The following SLC17A5 variants were observed in gnomAD, a reference collection of about 807,000 sequenced individuals.
SLC17A5 encodes the protein solute carrier family 17 member 5.
Under a neutral mutation model 59.4 loss-of-function variants are expected in SLC17A5, and 47 were observed. The observed-to-expected ratio is 0.79, with a 90% CI of 0.63 to 1.01. The LOEUF (loss-of-function observed/expected upper bound fraction) is 1.01, where lower values mean the gene tolerates loss of function less well. Ranked by LOEUF, SLC17A5 falls within the 50% of genes least tolerant of loss-of-function variation. SLC17A5 has a pLI of 0.00. For synonymous variants in SLC17A5, 202 were observed against 210.7 expected (o/e 0.96, Z 0.36); for missense variants, 522 against 595.5 (o/e 0.88, Z 1.28).
chr6:73,598,613 G>A (rs428944), intron 10 of SLC17A5, among the ~76,000 whole-genome samples: 61,803 of 151,844 alleles, frequency 0.41, 12,990 homozygotes, highest in African/African-American at 0.49. Flanking sequence ...CCTGGGGGAC[G>A]AGTGAGACTT....
intron 10 of SLC17A5, among the ~76,000 whole-genome samples, chr6:73,599,751 T>C (rs1766972377): frequency 6.6e-6 from 1 of 152,184 alleles, no homozygotes; most frequent in African/African-American, 2.4e-5. Context: ...CGGATATATG[T>C]CTGAAATCAG....
chr6:73,600,321 T>A, intron 10 of SLC17A5, 30 bp downstream of exon 10: 1 of 1,528,198 alleles, frequency 6.5e-7, no homozygotes, highest in Non-Finnish European at 9.1e-7. Context: ...TCCAAAACCT[T>A]TCCAGTTTAC....
chr6:73,619,408 C>A (rs1375232330), intron 7 of SLC17A5, among the ~76,000 whole-genome samples: 3 of 152,118 alleles, frequency 2.0e-5, no homozygotes, highest in African/African-American at 7.2e-5. Flanking sequence ...CATCTGATGG[C>A]CAGGCAGGGT....
rs770302216 is a variant in SLC17A5 at position 73,644,397 on chromosome 6, T to A, written c.291+10A>T. On this transcript the variant is annotated intron_variant, in intron 2 of 10. Coordinates refer to ENST00000355773, the MANE Select transcript of SLC17A5 (RefSeq NM_012434.5). ...TAATTAAAATTGTTTCCTTAAAAAATAGCACCTACCGTTTGATTATGATGA... is the reference window on the plus strand; with the variant it reads ...TAATTAAAATTGTTTCCTTAAAAAAAAGCACCTACCGTTTGATTATGATGA... 1.1e-5 allele frequency: 17 copies of A among 1,606,652 alleles called. No individual in the cohort carries two copies. In the South Asian group the frequency reaches 1.9e-4, roughly 18 times the overall value.
At chr6:73,639,885 A>C (rs1208958393) in intron 3 of SLC17A5, among the ~76,000 whole-genome samples, 1 of 152,042 alleles carries the variant, frequency 6.6e-6, no homozygotes, top group Non-Finnish European at 1.5e-5. Flanking sequence ...GCCTCTACTA[A>C]ATATACAAAA....
intron 3 of SLC17A5, among the ~76,000 whole-genome samples, chr6:73,639,117 CT>C (rs1320547652): frequency 6.6e-6 from 1 of 150,986 alleles, no homozygotes; most frequent in South Asian, 2.1e-4. Flanking sequence ...AGCCTTTCTT[CT>C]TTTTTTTCCT....
At chr6:73,653,004 C>T (rs1338133698) in intron 1 of SLC17A5, 1 of 969,600 alleles carries the variant, frequency 1.0e-6, no homozygotes, top group Non-Finnish European at 1.2e-6. Context: ...AGGGAAGATG[C>T]TTTATGACGT....
At chr6:73,599,805 T>C (rs1581952663) in intron 10 of SLC17A5, among the ~76,000 whole-genome samples, 1 of 35,252 alleles carries the variant, frequency 2.8e-5, no homozygotes, top group African/African-American at 4.0e-4. Context: ...CCTGAAATTC[T>C]TTTTTTTTTT....
At chr6:73,617,424 G>C (rs1235289754) in intron 7 of SLC17A5, among the ~76,000 whole-genome samples, 1 of 152,188 alleles carries the variant, frequency 6.6e-6, no homozygotes, top group Non-Finnish European at 1.5e-5. Flanking sequence ...ATATTAGTAG[G>C]AAAGTAAAAA....
intron 8 of SLC17A5, among the ~76,000 whole-genome samples, chr6:73,612,273 C>T (rs1767668738): frequency 6.6e-6 from 1 of 151,976 alleles, no homozygotes; most frequent in Admixed American, 6.6e-5. Flanking sequence ...AGCAATTCTC[C>T]TGCCTCGGCC....
intron 1 of SLC17A5, among the ~76,000 whole-genome samples, chr6:73,652,080 A>G (rs1178765271): frequency 6.6e-6 from 1 of 152,092 alleles, no homozygotes; most frequent in African/African-American, 2.4e-5. Context: ...AAAACTTATC[A>G]TATTCTAAAT....
In SLC17A5 at chr6:73,642,063, G is replaced by A. The variant is rs6909346; in HGVS notation, c.292-139C>T. The A allele has an allele frequency of 8.1e-3, 5,928 of 734,052 alleles. 241 individuals are homozygous for A. In the African/African-American group the frequency reaches 0.091, roughly 11 times the overall value. 45.5% of individuals were successfully genotyped at this position (734,052 alleles called of 1,614,324 possible). A position where few individuals can be genotyped will look rare whatever the true frequency, so the allele number is the denominator to read the frequency against. On this transcript the variant is annotated intron_variant, in intron 2 of 10. Transcript: ENST00000355773. ...TGAAGAACATGCAAACTTTCTAGTA[G>A]GTGGGTGAGTCATAACAATATAGAT...
chr6:73,622,586 G>A (rs1053356009), intron 6 of SLC17A5, among the ~76,000 whole-genome samples: 4 of 152,136 alleles, frequency 2.6e-5, no homozygotes, highest in East Asian at 1.9e-4. Context: ...CACCGTGCCC[G>A]GCCTGAATTC....
rs374866581 is a variant in SLC17A5, at chr6:73,595,146, G to C, written c.1419C>G (p.Phe473Leu). 21 of 1,613,996 alleles carry C rather than the reference G, an allele frequency of 1.3e-5. No homozygotes were observed. The African/African-American group carries it at 2.1e-4, about 16-fold the overall frequency. Reference sequence around the variant, plus strand: ...CTTCACCTTTGGCGAATAGTGTAAAGAAAATGGCACCAAAAACATTAATAG... The same window carrying C: ...CTTCACCTTTGGCGAATAGTGTAAACAAAATGGCACCAAAAACATTAATAG... The part of the protein sequence containing the change: ...AAAINVFGAI[F>L]FTLFAKGEVQ... Residue 473 changes from phenylalanine to leucine, a missense_variant, in exon 11 of 11, where the codon TTC becomes TTG. Transcript: ENST00000355773.
chr6:73,641,736 T>C lies in SLC17A5; in HGVS notation c.480A>G (p.Gly160=). The C allele has an allele frequency of 6.2e-7, 1 of 1,614,082 alleles. No individual in the cohort carries two copies. The highest frequency in any genetic ancestry group is 8.5e-7 in the Non-Finnish European group (1 of 1,180,000). Residue 160 remains glycine (G), a synonymous_variant, in exon 3 of 11, where the codon GGA becomes GGG. Transcript: ENST00000355773. ...TLFTPIAADL[G]VGPLIVLRAL... is the part of the protein sequence containing the mutation. ...CTCTGAGTACAATGAGTGGTCCAAC[T>C]CCTAAATCTGCAGCAATGGGAGTGA...
chr6:73,607,422 C>T (rs190917557), intron 9 of SLC17A5, among the ~76,000 whole-genome samples: 42 of 152,064 alleles, frequency 2.8e-4, no homozygotes, highest in Non-Finnish European at 5.9e-4. Context: ...TCCTACCACC[C>T]CACCTGGCTA....
intron 3 of SLC17A5, among the ~76,000 whole-genome samples, chr6:73,639,681 A>T (rs572693837): frequency 1.3e-5 from 2 of 152,240 alleles, no homozygotes; most frequent in African/African-American, 4.8e-5. Context: ...GAATGAGGAA[A>T]TGCACCTGTG....
intron 1 of SLC17A5, among the ~76,000 whole-genome samples, chr6:73,649,009 T>C (rs1163506698): frequency 6.6e-6 from 1 of 151,862 alleles, no homozygotes; most frequent in Admixed American, 6.5e-5. Context: ...AATTTTTTTT[T>C]TTTTTGGAGA....
intron 2 of SLC17A5, among the ~76,000 whole-genome samples, chr6:73,644,039 G>C (rs530629705): frequency 5.9e-5 from 9 of 152,150 alleles, no homozygotes; most frequent in Admixed American, 3.3e-4. Flanking sequence ...CTCTCTTGCA[G>C]CTGTAACTCT....
Sources: allele counts gnomAD v4.1 joint callset (sites outside exome capture counted in the v4.1 genomes callset), GRCh38; gene constraint gnomAD v4.1.1; transcripts MANE v1.5; gene names NCBI Gene and HGNC (gene_info 2026-07-23, HGNC 2026-07-21).